Variants in FAM167A observed in about 807,000 individuals in gnomAD.
FAM167A encodes the protein protein FAM167A.
In FAM167A, 23 loss-of-function variants were observed where a neutral mutation model predicts 14.9. The observed-to-expected ratio is 1.55, with a 90% confidence interval of 1.11 to 2.19. The LOEUF is 2.19. Ranked by LOEUF, FAM167A falls within the 30% of genes most tolerant of loss-of-function variation. The pLI, the probability that FAM167A is intolerant of heterozygous loss-of-function variation, is 0.00. For missense variants in FAM167A, 401 were observed against 281.5 expected (o/e 1.42, Z -3.04); for synonymous variants, 174 against 117.7 (o/e 1.48, Z -3.10).
chr8:11,447,728 T>C (rs1391614908), intron 1 of FAM167A, among the ~76,000 whole-genome samples: 6 of 152,126 alleles, frequency 3.9e-5, no homozygotes, highest in Non-Finnish European at 5.9e-5. Flanking sequence ...CTCTGGAGAG[T>C]GTGGGCTCTG....
chr8:11,431,919 A>AAAAAAG (rs1805627512), intron 2 of FAM167A, among the ~76,000 whole-genome samples: 1 of 139,964 alleles, frequency 7.1e-6, no homozygotes, highest in African/African-American at 2.8e-5. Flanking sequence ...AAAAAAAAAA[A>AAAAAAG]GGATTTTGTT....
upstream of FAM167A, among the ~76,000 whole-genome samples, chr8:11,467,273 C>T (rs530651779): frequency 1.2e-3 from 183 of 152,388 alleles, no homozygotes; most frequent in Non-Finnish European, 1.4e-3. Flanking sequence ...AGCGTTTGCC[C>T]CACTAACCAC....
In FAM167A at chr8:11,462,607, C is replaced by T. The variant is rs146811938; in HGVS notation, c.-398+4019G>A. On this transcript the variant is annotated intron_variant, in intron 1 of 2. Coordinates refer to ENST00000284486, the MANE Select transcript of FAM167A (RefSeq NM_053279.3). ...CAGCAACCTCGCCAGACTGCACGCT[C>T]CCTGAGGGCACGGCCTTCACCTTCT... 3.6e-4 allele frequency among the ~76,000 whole-genome samples: 55 copies of T among 150,914 alleles called. No homozygotes were observed. In the East Asian group the frequency reaches 0.01, roughly 29 times the overall value.
intron 2 of FAM167A, among the ~76,000 whole-genome samples, chr8:11,443,336 G>C (rs561224350): frequency 2.0e-5 from 3 of 152,336 alleles, no homozygotes; most frequent in Non-Finnish European, 2.9e-5. Context: ...CTATGAGCAG[G>C]AAAGTGACCG....
chr8:11,436,159 GTC>G (rs1251323364), intron 2 of FAM167A, among the ~76,000 whole-genome samples: 1 of 152,234 alleles, frequency 6.6e-6, no homozygotes, highest in Admixed American at 6.5e-5. Flanking sequence ...CTGTGTTATT[GTC>G]TCTATCACCA....
chr8:11,445,048 A>G (rs535567355), intron 1 of FAM167A: 527 of 869,606 alleles, frequency 6.1e-4, no homozygotes, highest in Non-Finnish European at 6.8e-4. Flanking sequence ...CTCCGCCTCT[A>G]CTATCTTATT....
At chr8:11,456,355 T>C (rs1436294992) in intron 1 of FAM167A, among the ~76,000 whole-genome samples, 201 of 26,516 alleles carry the variant, frequency 7.6e-3, no homozygotes, top group African/African-American at 0.024. Flanking sequence ...GTTGCCCTGC[T>C]GGGTGTGTGT....
intron 2 of FAM167A, chr8:11,434,032 T>C (rs1396068133): frequency 6.6e-6 from 1 of 152,222 alleles, no homozygotes; most frequent in Non-Finnish European, 1.5e-5. Context: ...AGATTAACGC[T>C]GGCAGGAAAG....
At chr8:11,455,841 A>AGG in intron 1 of FAM167A, among the ~76,000 whole-genome samples, 1 of 26,058 alleles carries the variant, frequency 3.8e-5, no homozygotes, top group East Asian at 1.3e-3. Flanking sequence ...TGTGAGTGTG[A>AGG]GGGTTGGTTG....
chr8:11,451,790 G>A (rs558742078), intron 1 of FAM167A, among the ~76,000 whole-genome samples: 17 of 152,300 alleles, frequency 1.1e-4, no homozygotes, highest in Non-Finnish European at 2.4e-4. Flanking sequence ...AGGGGCGGTG[G>A]CATCCTCTTA....
chr8:11,441,008 T>C (rs894325948), intron 2 of FAM167A, among the ~76,000 whole-genome samples: 3 of 140,442 alleles, frequency 2.1e-5, no homozygotes, highest in Non-Finnish European at 4.6e-5. Flanking sequence ...AATCAAAGGG[T>C]TTTTGCAAGT....
chr8:11,441,389 G>T (rs1051645201), intron 2 of FAM167A, among the ~76,000 whole-genome samples: 2 of 152,182 alleles, frequency 1.3e-5, no homozygotes, highest in Non-Finnish European at 1.5e-5. Context: ...TTGGAAATTC[G>T]AAAGCACAAG....
intron 1 of FAM167A, among the ~76,000 whole-genome samples, chr8:11,473,285 TG>T (rs1276085010): frequency 6.6e-6 from 1 of 152,040 alleles, no homozygotes; most frequent in African/African-American, 2.4e-5. Flanking sequence ...AACACTGGTG[TG>T]GGGGGAAGCT....
At chr8:11,468,975 G>C (rs1396627895), upstream of FAM167A, among the ~76,000 whole-genome samples, 1 of 152,166 alleles carries the variant, frequency 6.6e-6, no homozygotes, top group Non-Finnish European at 1.5e-5. Context: ...AGCAGTCTTG[G>C]TTGGAGTAGC....
At position 11,423,929 on chromosome 8, in the gene FAM167A, G is replaced by A. The variant is rs143937306; in HGVS notation, c.*444C>T. On this transcript the variant is annotated 3_prime_UTR_variant, in exon 3 of 3. Coordinates refer to ENST00000284486, the MANE Select transcript of FAM167A (RefSeq NM_053279.3). ...AGACAATACTTAGAGGACAGCAACAGCACGTGAGACAGGCACATCTGACAT... is the reference window on the plus strand; with the variant it reads ...AGACAATACTTAGAGGACAGCAACAACACGTGAGACAGGCACATCTGACAT... 7.8e-4 allele frequency: 148 copies of A among 190,532 alleles called. 1 individual carries two copies. Among genetic ancestry groups the A allele is most frequent in the African/African-American group, 3.2e-3 (138 of 43,174 alleles). 11.8% of individuals were successfully genotyped at this position (190,532 alleles called of 1,614,324 possible). A position where few individuals can be genotyped will look rare whatever the true frequency, so the allele number is the denominator to read the frequency against.
intron 1 of FAM167A, among the ~76,000 whole-genome samples, chr8:11,452,841 G>T (rs142370485): frequency 2.0e-5 from 3 of 152,312 alleles, no homozygotes; most frequent in East Asian, 3.9e-4. Flanking sequence ...GCTGAGCAAT[G>T]GTAGGTCTCC....
chr8:11,456,053 T>A (rs1322190450), intron 1 of FAM167A, among the ~76,000 whole-genome samples: 4 of 127,256 alleles, frequency 3.1e-5, no homozygotes, highest in Admixed American at 8.2e-5. Flanking sequence ...TGTGGGGTGG[T>A]TGCCTTGCTG....
chr8:11,448,876 C>A (rs925560697), intron 1 of FAM167A, among the ~76,000 whole-genome samples: 1 of 152,214 alleles, frequency 6.6e-6, no homozygotes, highest in Non-Finnish European at 1.5e-5. Context: ...GTCCTTTCCT[C>A]GTGGCCTCAG....
At chr8:11,438,010 G>A (rs1461445127) in intron 2 of FAM167A, 1 of 366,362 alleles carries the variant, frequency 2.7e-6, no homozygotes, top group Non-Finnish European at 5.4e-6. Flanking sequence ...CCATGCCACT[G>A]TGTTTATGTG....
Sources: gnomAD v4.1 joint callset for allele counts (sites outside exome capture counted in the v4.1 genomes callset) on GRCh38, gnomAD v4.1.1 for gene constraint, MANE v1.5 for transcripts, NCBI Gene and HGNC (gene_info 2026-07-23, HGNC 2026-07-21) for gene names.